The following DCDC1 variants were observed in gnomAD, a reference collection of about 807,000 sequenced individuals.
The protein encoded by DCDC1 is doublecortin domain-containing protein 1.
DCDC1 carries 200 observed loss-of-function variants against 178.3 expected under a neutral mutation model. The observed-to-expected ratio is 1.12, with a 90% CI of 1.00 to 1.26. The LOEUF (loss-of-function observed/expected upper bound fraction) is 1.26, where lower values mean the gene tolerates loss of function less well. DCDC1 is among the 50% of genes most tolerant of loss of function. DCDC1 has a pLI of 0.00. For missense variants in DCDC1, 1,983 were observed against 1,749.2 expected (o/e 1.13, Z -2.38); for synonymous variants, 690 against 604.8 (o/e 1.14, Z -2.07).
chr11:31,044,333 C>T (rs1954677413), intron 20 of DCDC1, among the ~76,000 whole-genome samples: 1 of 151,892 alleles, frequency 6.6e-6, no homozygotes, highest in African/African-American at 2.4e-5. Flanking sequence ...AAAAATTAGC[C>T]GGGCGTGGTG....
intron 7 of DCDC1, chr11:31,281,096 C>G (rs536566243): frequency 5.1e-6 from 2 of 389,988 alleles, no homozygotes; most frequent in Admixed American, 6.4e-5. Flanking sequence ...ATTTCACTGA[C>G]CTTGTATCCT....
At chr11:30,921,355 A>AT (rs1028970464) in intron 24 of DCDC1, among the ~76,000 whole-genome samples, 4 of 151,964 alleles carry the variant, frequency 2.6e-5, no homozygotes, top group African/African-American at 7.3e-5. Context: ...AATTATACTA[A>AT]TTTTTTTTCT....
intron 5 of DCDC1, 108 bp from the exon 6 acceptor site, chr11:31,305,885 C>T: frequency 2.4e-6 from 3 of 1,256,144 alleles, no homozygotes. Context: ...AATTGAGTCA[C>T]TTGCCAATAC....
intron 20 of DCDC1, among the ~76,000 whole-genome samples, chr11:30,986,326 TTC>T (rs1005378718): frequency 6.2e-5 from 9 of 145,120 alleles, no homozygotes; most frequent in African/African-American, 1.7e-4. Flanking sequence ...TTCCACATTT[TTC>T]TCTCTCTCTT....
At chr11:31,200,323 A>G (rs1971140364) in intron 9 of DCDC1, among the ~76,000 whole-genome samples, 1 of 152,106 alleles carries the variant, frequency 6.6e-6, no homozygotes, top group Non-Finnish European at 1.5e-5. Context: ...ATGATTCTGG[A>G]TAATTACTAG....
rs543895400 is a variant in DCDC1, at chr11:31,014,828, T to C, written c.2591+49641A>G. 3.3e-5 allele frequency among the ~76,000 whole-genome samples: 5 copies of C among 152,320 alleles called. 1 individual carries two copies. Among genetic ancestry groups the C allele is most frequent in the African/African-American group, 1.2e-4 (5 of 41,580 alleles). On this transcript the variant is annotated intron_variant, in intron 20 of 38. Coordinates refer to ENST00000684477, the MANE Select transcript of DCDC1 (RefSeq NM_001387274.1). ...AGGGAGATCAACATCTTAATATCCA[T>C]TTATCTTCTAATCACCAATATCCCA...
intron 17 of DCDC1, among the ~76,000 whole-genome samples, chr11:31,090,885 A>T (rs1250597220): frequency 6.6e-6 from 1 of 152,206 alleles, no homozygotes; most frequent in Non-Finnish European, 1.5e-5. Context: ...AGACTCTTGG[A>T]GATAAATCAA....
intron 20 of DCDC1, among the ~76,000 whole-genome samples, chr11:31,034,415 C>T (rs1044657380): frequency 1.3e-5 from 2 of 152,056 alleles, no homozygotes. Flanking sequence ...CAATAATGTC[C>T]TAGATCTTCA....
chr11:31,158,997 G>A (rs1220504825), intron 9 of DCDC1, among the ~76,000 whole-genome samples: 1 of 150,800 alleles, frequency 6.6e-6, no homozygotes, highest in African/African-American at 2.4e-5. Flanking sequence ...ATATAAATTG[G>A]ATGTATACCA....
At chr11:31,232,950 T>C (rs759679846) in intron 9 of DCDC1, among the ~76,000 whole-genome samples, 4 of 152,032 alleles carry the variant, frequency 2.6e-5, no homozygotes, top group African/African-American at 4.8e-5. Context: ...TAGCCGGGCA[T>C]GGTGGCATGT....
At chr11:31,074,307 C>A (rs1956740202) in intron 18 of DCDC1, among the ~76,000 whole-genome samples, 1 of 152,128 alleles carries the variant, frequency 6.6e-6, no homozygotes. Context: ...TAGCTGGTAA[C>A]CCTCCACACA....
chr11:30,933,028 G>A (rs1323592986), intron 21 of DCDC1, among the ~76,000 whole-genome samples: 1 of 151,642 alleles, frequency 6.6e-6, no homozygotes, highest in Non-Finnish European at 1.5e-5. Flanking sequence ...CCATTGCTCT[G>A]GCAGCATCTC....
chr11:30,909,788 C>T (rs1945318780), intron 28 of DCDC1, among the ~76,000 whole-genome samples: 1 of 151,938 alleles, frequency 6.6e-6, no homozygotes, highest in African/African-American at 2.4e-5. Context: ...TTTTTAAGTA[C>T]ATTCAGTTAG....
chr11:31,156,370 C>T (rs1474531897), intron 9 of DCDC1, among the ~76,000 whole-genome samples: 1 of 152,022 alleles, frequency 6.6e-6, no homozygotes, highest in Non-Finnish European at 1.5e-5. Flanking sequence ...AAACACGCGG[C>T]CAGTCAGATC....
chr11:30,976,287 G>A (rs934090273), intron 20 of DCDC1, among the ~76,000 whole-genome samples: 1 of 151,826 alleles, frequency 6.6e-6, no homozygotes, highest in African/African-American at 2.4e-5. Flanking sequence ...GGATATTATG[G>A]CTAAAACCCC....
chr11:31,057,560 G>T (rs370145888), intron 20 of DCDC1, among the ~76,000 whole-genome samples: 2 of 152,046 alleles, frequency 1.3e-5, no homozygotes, highest in East Asian at 1.9e-4. Context: ...AAGTAAATTT[G>T]TATCCTTAAA....
At chr11:31,092,224 A>G (rs1957862140) in intron 16 of DCDC1, among the ~76,000 whole-genome samples, 1 of 152,212 alleles carries the variant, frequency 6.6e-6, no homozygotes, top group Non-Finnish European at 1.5e-5. Flanking sequence ...GATTTTCAGA[A>G]TTGTTTCCTT....
intron 10 of DCDC1, among the ~76,000 whole-genome samples, chr11:31,135,015 A>C (rs1962950871): frequency 6.6e-6 from 1 of 152,192 alleles, no homozygotes. Context: ...AAAATTTTTA[A>C]AAAAATTTTA....
At chr11:31,170,669 T>C (rs1353788633) in intron 9 of DCDC1, among the ~76,000 whole-genome samples, 2 of 152,186 alleles carry the variant, frequency 1.3e-5, no homozygotes, top group South Asian at 2.1e-4. Flanking sequence ...ACCTCAATCA[T>C]AGCATAGTAC....
Sources: allele counts gnomAD v4.1 joint callset (sites outside exome capture counted in the v4.1 genomes callset), GRCh38; gene constraint gnomAD v4.1.1; transcripts MANE v1.5; gene names NCBI Gene and HGNC (gene_info 2026-07-23, HGNC 2026-07-21).